The following ABCB1 variants were observed in gnomAD, a reference collection of about 807,000 sequenced individuals.
ABCB1 encodes ATP binding cassette subfamily B member 1.
ABCB1 carries 69 observed loss-of-function variants against 142.0 expected under a neutral mutation model. The observed-to-expected ratio is 0.49, with a 90% CI of 0.40 to 0.59. ABCB1 has a LOEUF of 0.59. Among genes scored for constraint, ABCB1 ranks in the 20% least tolerant of loss-of-function variants. The pLI is 0.00. For synonymous variants in ABCB1, 532 were observed against 539.2 expected (o/e 0.99, Z 0.18); for missense variants, 1,326 against 1,554.7 (o/e 0.85, Z 2.47).
chr7:87,535,740 G>T (rs1342896975), intron 20 of ABCB1, among the ~76,000 whole-genome samples: 4 of 152,104 alleles, frequency 2.6e-5, no homozygotes, highest in Non-Finnish European at 5.9e-5. Flanking sequence ...TGTTAGTATA[G>T]TACTAACTTA....
At chr7:87,519,953 T>G (rs985773213) in intron 22 of ABCB1, among the ~76,000 whole-genome samples, 6 of 152,192 alleles carry the variant, frequency 3.9e-5, no homozygotes, top group African/African-American at 1.4e-4. Flanking sequence ...GCATTAGAGG[T>G]GCCTTATGAA....
intron 4 of ABCB1, among the ~76,000 whole-genome samples, chr7:87,581,557 A>C (rs771795794): frequency 1.3e-5 from 2 of 152,208 alleles, no homozygotes; most frequent in Non-Finnish European, 2.9e-5. Flanking sequence ...ATATTCTATA[A>C]TTAAACCAGA....
intron 1 of ABCB1, among the ~76,000 whole-genome samples, chr7:87,657,431 C>T (rs1469436202): frequency 2.0e-5 from 3 of 152,186 alleles, no homozygotes; most frequent in African/African-American, 7.2e-5. Context: ...GTACCACCTA[C>T]TCTTAAAAAA....
chr7:87,562,026 T>TA (rs2129782848), intron 7 of ABCB1, among the ~76,000 whole-genome samples: 1 of 152,302 alleles, frequency 6.6e-6, no homozygotes, highest in South Asian at 2.1e-4. Flanking sequence ...CAATTTATTT[T>TA]AAAAATTCTG....
rs753798733 is a variant in ABCB1 at position 87,551,092 on chromosome 7, G to A, written c.1000-254C>T. ...GATGGAGTGCAGTGGTGCAATCATA[G>A]CTCGTCATAACCTCTACCTCCTGGG... is the stretch of plus-strand genomic sequence containing the variant. On this transcript the variant is annotated intron_variant, in intron 9 of 27. Transcript: ENST00000622132. Among the ~76,000 whole-genome samples the A allele has an allele frequency of 2.6e-5, 4 of 152,218 alleles. No individual in the cohort carries two copies. The South Asian group carries it at 8.3e-4, about 32-fold the overall frequency.
In ABCB1 at chr7:87,503,286, A is replaced by T. The variant is rs1438746883; in HGVS notation, c.*957T>A. Among the ~76,000 whole-genome samples, 2 of 150,320 alleles carry T rather than the reference A, an allele frequency of 1.3e-5. No individual in the cohort carries two copies. Among genetic ancestry groups the T allele is most frequent in the Non-Finnish European group, 2.9e-5 (2 of 67,974 alleles). On this transcript the variant is annotated 3_prime_UTR_variant, in exon 28 of 28. Coordinates refer to ENST00000622132, the MANE Select transcript of ABCB1 (RefSeq NM_001348946.2). ...GTTAATAATGCTTTTTGGCTAATTT[A>T]AAAAAATTTGTCGTCCAGAGTCCCA... is the stretch of plus-strand genomic sequence containing the variant.
chr7:87,677,975 A>G (rs192690387), intron 1 of ABCB1, among the ~76,000 whole-genome samples: 2 of 152,340 alleles, frequency 1.3e-5, no homozygotes, highest in East Asian at 3.9e-4. Context: ...AGGACAAAAT[A>G]AAGAAATTCC....
At chr7:87,571,222 G>A (rs1341227324) in intron 4 of ABCB1, among the ~76,000 whole-genome samples, 1 of 152,200 alleles carries the variant, frequency 6.6e-6, no homozygotes, top group Non-Finnish European at 1.5e-5. Context: ...CGGCAAGTTT[G>A]AAGAATGGGT....
chr7:87,533,153 C>T (rs993343042), intron 20 of ABCB1, among the ~76,000 whole-genome samples: 1 of 152,122 alleles, frequency 6.6e-6, no homozygotes, highest in African/African-American at 2.4e-5. Context: ...TCAAAGCCAG[C>T]TCTCTGCATT....
At chr7:87,700,899 C>G (rs546043275) in intron 1 of ABCB1, among the ~76,000 whole-genome samples, 2 of 152,188 alleles carry the variant, frequency 1.3e-5, no homozygotes, top group Non-Finnish European at 2.9e-5. Flanking sequence ...AACCTTAGCA[C>G]GAATTAATGC....
At chr7:87,577,266 A>ATAG (rs572780713) in intron 4 of ABCB1, among the ~76,000 whole-genome samples, 24 of 152,132 alleles carry the variant, frequency 1.6e-4, no homozygotes, top group Non-Finnish European at 3.4e-4. Flanking sequence ...TTAAGGATGA[A>ATAG]TAGTACTCCA....
At position 87,553,666 on chromosome 7, in the gene ABCB1, T is replaced by C. The variant is rs962811765; in HGVS notation, c.999+95A>G. 8.2e-6 allele frequency: 11 copies of C among 1,349,454 alleles called. No homozygotes were observed. The Admixed American group carries it at 8.8e-5, about 11-fold the overall frequency. 83.6% of individuals were successfully genotyped at this position (1,349,454 alleles called of 1,614,324 possible). A position where few individuals can be genotyped will look rare whatever the true frequency, so the allele number is the denominator to read the frequency against. ...TGCATATGTCTGTAGTATTCAACAG[T>C]TGTTCAAAATATATTCTTCTAAAGT... On this transcript the variant is annotated intron_variant, in intron 9 of 27. Transcript: ENST00000622132.
chr7:87,610,151 C>A (rs1224129269), intron 1 of ABCB1, among the ~76,000 whole-genome samples: 1 of 151,902 alleles, frequency 6.6e-6, no homozygotes, highest in Non-Finnish European at 1.5e-5. Flanking sequence ...GAATAATATG[C>A]CCTGACCTTG....
chr7:87,588,875 G>C (rs935927414), intron 3 of ABCB1, among the ~76,000 whole-genome samples: 14 of 152,114 alleles, frequency 9.2e-5, no homozygotes, highest in African/African-American at 3.1e-4. Context: ...TCTCACAGTG[G>C]TTTTGATTTG....
chr7:87,655,497 T>C (rs1466751171), intron 1 of ABCB1, among the ~76,000 whole-genome samples: 1 of 152,116 alleles, frequency 6.6e-6, no homozygotes, highest in Admixed American at 6.6e-5. Flanking sequence ...ATGACTTCCT[T>C]ATACATGGCA....
chr7:87,633,404 T>C (rs539722974), intron 1 of ABCB1, among the ~76,000 whole-genome samples: 1 of 152,216 alleles, frequency 6.6e-6, no homozygotes, highest in Non-Finnish European at 1.5e-5. Context: ...TGAATCTGCC[T>C]CTATGAATAT....
chr7:87,535,031 A>C (rs1161679992), intron 20 of ABCB1, among the ~76,000 whole-genome samples: 1 of 151,686 alleles, frequency 6.6e-6, no homozygotes, highest in Non-Finnish European at 1.5e-5. Flanking sequence ...TCCAACCAAC[A>C]CATTGTTGGC....
At chr7:87,675,375 C>T (rs1181990120) in intron 1 of ABCB1, among the ~76,000 whole-genome samples, 1 of 151,702 alleles carries the variant, frequency 6.6e-6, no homozygotes, top group African/African-American at 2.4e-5. Flanking sequence ...TATATCAAAC[C>T]TCCAGTCTTG....
intron 21 of ABCB1, among the ~76,000 whole-genome samples, chr7:87,522,704 T>C (rs1219424843): frequency 6.6e-6 from 1 of 152,182 alleles, no homozygotes; most frequent in East Asian, 1.9e-4. Flanking sequence ...ATACTGTTGA[T>C]TGTTAAATGT....
Sources: allele counts gnomAD v4.1 joint callset (sites outside exome capture counted in the v4.1 genomes callset), GRCh38; gene constraint gnomAD v4.1.1; transcripts MANE v1.5; gene names NCBI Gene and HGNC (gene_info 2026-07-23, HGNC 2026-07-21).